DIP2C: variants seen among roughly 807,000 people sequenced by gnomAD.
DIP2C encodes disco-interacting protein 2 homolog C.
DIP2C carries 33 observed loss-of-function variants against 192.4 expected under a neutral mutation model. The observed-to-expected ratio is 0.17, with a 90% confidence interval of 0.13 to 0.23. The LOEUF (loss-of-function observed/expected upper bound fraction) is 0.23, where lower values mean the gene tolerates loss of function less well. Among genes scored for constraint, DIP2C ranks in the 10% least tolerant of loss-of-function variants. DIP2C has a pLI of 1.00. For missense variants in DIP2C, 1,537 were observed against 2,110.1 expected (o/e 0.73, Z 5.32); for synonymous variants, 979 against 864.1 (o/e 1.13, Z -2.33).
intron 1 of DIP2C, among the ~76,000 whole-genome samples, chr10:502,920 A>G (rs1490854392): frequency 6.6e-6 from 1 of 152,148 alleles, no homozygotes; most frequent in East Asian, 1.9e-4. Flanking sequence ...CACAACTCCA[A>G]CATAAATCCC....
intron 1 of DIP2C, among the ~76,000 whole-genome samples, chr10:512,245 A>G (rs1183949166): frequency 6.6e-6 from 1 of 152,160 alleles, no homozygotes; most frequent in East Asian, 1.9e-4. Context: ...CGTTTTTTAA[A>G]GTTGACTTCT....
At chr10:440,716 T>C (rs1589802276) in intron 4 of DIP2C, among the ~76,000 whole-genome samples, 155 bp downstream of exon 4, 1 of 152,220 alleles carries the variant, frequency 6.6e-6, no homozygotes, top group East Asian at 1.9e-4. Context: ...TCCTTCCACG[T>C]TTAACTCATA....
Position 624,339 on chromosome 10 carries a change from G to C in DIP2C, c.85+65155C>G, listed in dbSNP as rs188566561. 9.4e-3 allele frequency among the ~76,000 whole-genome samples: 1,430 copies of C among 152,288 alleles called. 26 individuals carry two copies. Among genetic ancestry groups the C allele is most frequent in the African/African-American group, 0.033 (1,371 of 41,554 alleles). ...AGATGGGGCCCTCACGCTGCAGGTG[G>C]GACCGTCTAGGGGAGCCCACAGACA... On this transcript the variant is annotated intron_variant, in intron 1 of 36. Coordinates refer to ENST00000280886, the MANE Select transcript of DIP2C (RefSeq NM_014974.3).
In DIP2C at chr10:571,392, G is replaced by A. The variant is rs78282481; in HGVS notation, c.86-84862C>T. 4.5e-3 allele frequency among the ~76,000 whole-genome samples: 685 copies of A among 152,246 alleles called. 5 individuals carry two copies. The highest frequency in any genetic ancestry group is 0.015 in the African/African-American group (627 of 41,548). ...GGAAAATCAGCTGTGACGCACCCGC[G>A]AGGGTCGGGAACCGGCTCCGGGGCT... On this transcript the variant is annotated intron_variant, in intron 1 of 36. Transcript: ENST00000280886.
intron 5 of DIP2C, 92 bp downstream of exon 5, chr10:422,732 A>C: frequency 6.9e-7 from 1 of 1,447,136 alleles, no homozygotes; most frequent in South Asian, 1.3e-5. Flanking sequence ...CTTTCCACCG[A>C]GGGATTCCGC....
At chr10:619,622 A>G (rs748966482) in intron 1 of DIP2C, among the ~76,000 whole-genome samples, 38 of 144,166 alleles carry the variant, frequency 2.6e-4, no homozygotes, top group Admixed American at 7.2e-4. Flanking sequence ...TGCAAGGGGT[A>G]AGTGCCCAGC....
rs1377828086 is a variant in DIP2C at position 414,735 on chromosome 10, G to GTATATATATATATA, written c.860-626_860-625insTATATATATATATA. Among the ~76,000 whole-genome samples the GTATATATATATATA allele has an allele frequency of 4.3e-4, 23 of 53,082 alleles. No individual in the cohort carries two copies. In the South Asian group the frequency reaches 0.013, roughly 31 times the overall value. The allele number at this position is 53,082 out of a possible 152,430, so 34.8% of individuals were successfully genotyped here. A position where few individuals can be genotyped will look rare whatever the true frequency, so the allele number is the denominator to read the frequency against. ...TGTGTGTGTGTGTGTGTGTGTGTGT[G>GTATATATATATATA]TGTGTACATATATATATATATAATG... On this transcript the variant is annotated intron_variant, in intron 7 of 36. Transcript: ENST00000280886.
At chr10:334,316 A>AAAAG (rs1564570416) in intron 29 of DIP2C, among the ~76,000 whole-genome samples, 2 of 151,440 alleles carry the variant, frequency 1.3e-5, no homozygotes, top group South Asian at 2.1e-4. Flanking sequence ...AAAAAAAAAA[A>AAAAG]AAAAAAAAAG....
intron 34 of DIP2C, among the ~76,000 whole-genome samples, chr10:285,615 C>T (rs2132163631): frequency 6.6e-6 from 1 of 152,348 alleles, no homozygotes; most frequent in African/African-American, 2.4e-5. Flanking sequence ...ACGCATGAGA[C>T]AAGTGGCCTC....
At chr10:347,275 C>T (rs997042255) in intron 26 of DIP2C, among the ~76,000 whole-genome samples, 6,838 of 56,050 alleles carry the variant, frequency 0.12, 72 homozygotes, top group Non-Finnish European at 0.21. Flanking sequence ...AGACACATCA[C>T]GCATAGTTCT....
chr10:540,164 T>C (rs1847899454), intron 1 of DIP2C, among the ~76,000 whole-genome samples: 1 of 152,250 alleles, frequency 6.6e-6, no homozygotes, highest in Non-Finnish European at 1.5e-5. Flanking sequence ...TAGAGTGTTA[T>C]AAAAATGATG....
intron 1 of DIP2C, among the ~76,000 whole-genome samples, chr10:581,945 G>T (rs1037860630): frequency 1.3e-5 from 2 of 152,110 alleles, no homozygotes; most frequent in Non-Finnish European, 2.9e-5. Flanking sequence ...GGTGGTTTTG[G>T]AATGAAACCG....
At chr10:367,357 C>A (rs1232891007) in intron 18 of DIP2C, among the ~76,000 whole-genome samples, 1 of 149,612 alleles carries the variant, frequency 6.7e-6, no homozygotes, top group Non-Finnish European at 1.5e-5. Context: ...GCAGAGCCTG[C>A]GGTGAACCGA....
At chr10:521,393 G>A (rs1318385361) in intron 1 of DIP2C, among the ~76,000 whole-genome samples, 1 of 152,130 alleles carries the variant, frequency 6.6e-6, no homozygotes, top group African/African-American at 2.4e-5. Flanking sequence ...TCAATGATAA[G>A]GAAAACTCGT....
intron 1 of DIP2C, among the ~76,000 whole-genome samples, chr10:532,758 TGA>T (rs79435226): frequency 0.14 from 13,706 of 99,716 alleles, 2,821 homozygotes; most frequent in Non-Finnish European, 0.22. Context: ...TATGGGTGTG[TGA>T]GAGAGTATGG....
intron 3 of DIP2C, among the ~76,000 whole-genome samples, chr10:450,148 T>C (rs1968736830): frequency 6.6e-6 from 1 of 152,212 alleles, no homozygotes; most frequent in African/African-American, 2.4e-5. Flanking sequence ...CTCCTTGTGA[T>C]GTGGACCCGA....
At chr10:421,625 T>C (rs1434864174) in intron 5 of DIP2C, among the ~76,000 whole-genome samples, 1 of 152,270 alleles carries the variant, frequency 6.6e-6, no homozygotes, top group Non-Finnish European at 1.5e-5. Flanking sequence ...CCTGAAACTG[T>C]GTTAAACTGA....
intron 32 of DIP2C, among the ~76,000 whole-genome samples, chr10:304,785 TCA>T (rs1018378553): frequency 2.3e-4 from 34 of 150,514 alleles, no homozygotes; most frequent in African/African-American, 7.9e-4. Flanking sequence ...ACATGCAAAC[TCA>T]CACTTGCACA....
At chr10:395,223 C>T (rs1265150927) in intron 10 of DIP2C, among the ~76,000 whole-genome samples, 1 of 151,780 alleles carries the variant, frequency 6.6e-6, no homozygotes. Context: ...GTTTTGAGAT[C>T]TATTGCAGAG....
Sources: allele counts gnomAD v4.1 joint callset (sites outside exome capture counted in the v4.1 genomes callset), GRCh38; gene constraint gnomAD v4.1.1; transcripts MANE v1.5; gene names NCBI Gene and HGNC (gene_info 2026-07-23, HGNC 2026-07-21).